SEMA4G: variants seen among roughly 807,000 people sequenced by gnomAD.
The protein encoded by SEMA4G is semaphorin 4G.
A neutral mutation model predicts 81.2 loss-of-function variants in SEMA4G; 59 were observed. The ratio of observed to expected loss-of-function variants is 0.73; its 90% confidence interval spans 0.59 to 0.90. The LOEUF is 0.90. Ranked by LOEUF, SEMA4G falls within the 40% of genes least tolerant of loss-of-function variation. The pLI is 0.00. For synonymous variants in SEMA4G, 404 were observed against 433.9 expected (o/e 0.93, Z 0.86); for missense variants, 952 against 1,102.3 (o/e 0.86, Z 1.93).
At chr10:100,977,901 C>G in intron 4 of SEMA4G, 171 bp downstream of exon 5, 2 of 611,400 alleles carry the variant, frequency 3.3e-6, no homozygotes, top group Non-Finnish European at 2.9e-6. Flanking sequence ...AACCATTCCC[C>G]TTTGTAAAAA....
chr10:100,981,639 A>C, intron 13 of SEMA4G: 10 of 1,431,720 alleles, frequency 7.0e-6, no homozygotes, highest in Non-Finnish European at 9.7e-6. Context: ...GCATGATGTC[A>C]TCTACTGTCA....
chr10:100,980,382 G>C lies in SEMA4G; in HGVS notation c.1351+38G>C, dbSNP rs776424852. On this transcript the variant is annotated intron_variant, in intron 10 of 13. Transcript: ENST00000370250. ...CCAATCCCTGATCCCTGTTGGCCCTGATCACTAATGCTTCTGAATCCATTA... is the reference window on the plus strand; with the variant it reads ...CCAATCCCTGATCCCTGTTGGCCCTCATCACTAATGCTTCTGAATCCATTA... 3.1e-5 allele frequency: 48 copies of C among 1,571,600 alleles called. 1 individual carries two copies. In the Middle Eastern group the frequency reaches 6.7e-4, roughly 22 times the overall value.
chr10:100,971,914 C>T (rs1453452955), upstream of SEMA4G, among the ~76,000 whole-genome samples: 5 of 152,290 alleles, frequency 3.3e-5, no homozygotes, highest in African/African-American at 1.2e-4. Context: ...TAGGTACCCA[C>T]CCCAATGCCT....
chr10:100,980,714 T>C (rs1410114493), intron 11 of SEMA4G, 21 bp downstream of exon 12: 37 of 1,609,472 alleles, frequency 2.3e-5, no homozygotes, highest in Non-Finnish European at 3.1e-5. Context: ...TCTGTGACCC[T>C]TAATATAGCC....
At chr10:100,980,289 G>A in exon 10 of SEMA4G, 2 of 1,614,194 alleles carry the variant, frequency 1.2e-6, no homozygotes, top group Admixed American at 3.3e-5. Context: ...ACCTTACAGG[G>A]ACACCTGTCA....
chr10:100,984,435 A>G (rs1851318174), exon 14 of SEMA4G: 2 of 1,494,048 alleles, frequency 1.3e-6, no homozygotes, highest in African/African-American at 1.4e-5. Context: ...CTTATAGGTG[A>G]GGACTCCATC....
At chr10:100,985,117 T>C (rs1437149072), downstream of SEMA4G, 2 of 457,870 alleles carry the variant, frequency 4.4e-6, no homozygotes, top group African/African-American at 3.9e-5. Flanking sequence ...CTGCACTCAA[T>C]GAGCCAGCCT....
In SEMA4G at chr10:100,980,560, C is replaced by G; in HGVS notation, c.1352-18C>G. On this transcript the variant is annotated intron_variant, in intron 10 of 13. Transcript: ENST00000370250. ...GATCCCATAGTTGGGGTCTAACTCT[C>G]TGCTCTTTCCATACCAGCTGATGGC... 6.2e-7 allele frequency: 1 copy of G among 1,606,790 alleles called. No homozygotes were observed. The highest frequency in any genetic ancestry group is 1.1e-5 in the South Asian group (1 of 90,910).
chr10:100,977,704 G>A (rs1406589169), exon 4 of SEMA4G: 13 of 1,613,852 alleles, frequency 8.1e-6, no homozygotes, highest in South Asian at 1.1e-5. Context: ...TGGGACTCAC[G>A]CCTTCCAGCC....
exon 5 of SEMA4G, chr10:100,978,346 T>A: frequency 6.2e-7 from 1 of 1,613,742 alleles, no homozygotes; most frequent in Non-Finnish European, 8.5e-7. Context: ...GAAGGAGAAG[T>A]GTCCTTATGA....
chr10:100,976,566 C>T (rs1286546281), intron 3 of SEMA4G, among the ~76,000 whole-genome samples: 2 of 152,194 alleles, frequency 1.3e-5, no homozygotes, highest in Non-Finnish European at 2.9e-5. Context: ...TCCAGTGATC[C>T]TCCCACCTCA....
upstream of SEMA4G, among the ~76,000 whole-genome samples, chr10:100,970,234 G>T (rs993803661): frequency 6.6e-6 from 1 of 152,026 alleles, no homozygotes; most frequent in Non-Finnish European, 1.5e-5. Flanking sequence ...TGGAGTGTGG[G>T]GCGTGGACTG....
Position 100,979,097 on chromosome 10 carries a change from CCCAGGGAGA to C in SEMA4G, c.814-2_820del. The C allele has an allele frequency of 6.2e-7, 1 of 1,613,990 alleles. No homozygotes were observed. The highest frequency in any genetic ancestry group is 1.3e-5 in the African/African-American group (1 of 75,024). On this transcript the variant is annotated splice_acceptor_variant and splice_polypyrimidine_tract_variant and coding_sequence_variant and intron_variant, in exon 8 of 14. Coordinates refer to ENST00000370250, the Ensembl canonical transcript of SEMA4G. LOFTEE classifies it high-confidence loss of function. ...GCCCCTTATCCCGTGCCTCTACCTC[CCCAGGGAGA>C]CCTGGGAGGGAAGAAGATCCTGCAG...
exon 7 of SEMA4G, chr10:100,978,977 C>T (rs773006606): frequency 1.5e-5 from 25 of 1,614,150 alleles, no homozygotes; most frequent in South Asian, 5.5e-5. Flanking sequence ...CACTCAGAGC[C>T]GCAGCAGTCA....
chr10:100,970,185 G>C (rs1455552498), upstream of SEMA4G, among the ~76,000 whole-genome samples: 1 of 152,100 alleles, frequency 6.6e-6, no homozygotes, highest in Admixed American at 6.5e-5. Context: ...AGTTCAGGGG[G>C]CTGGCCCTGG....
At chr10:100,983,912 A>ACCCCCCCCC in exon 14 of SEMA4G, 1 of 185,352 alleles carries the variant, frequency 5.4e-6, no homozygotes, top group South Asian at 6.8e-5. Context: ...CAGCCCCACC[A>ACCCCCCCCC]CCCCCACCGC....
exon 14 of SEMA4G, chr10:100,984,069 C>T (rs199549347): frequency 5.0e-6 from 8 of 1,613,682 alleles, no homozygotes; most frequent in Middle Eastern, 1.7e-4. Flanking sequence ...GGAACTCAGC[C>T]GCATCCTGGA....
exon 10 of SEMA4G, chr10:100,980,187 G>A (rs755190563): frequency 1.9e-6 from 3 of 1,614,130 alleles, no homozygotes; most frequent in African/African-American, 2.7e-5. Context: ...CCCTGGTCCT[G>A]GACTTTGTAA....
chr10:100,982,062 C>CA (rs34646595), intron 13 of SEMA4G, among the ~76,000 whole-genome samples: 104,658 of 126,704 alleles, frequency 0.83, 42,992 homozygotes, highest in African/African-American at 0.86. Context: ...CATCTCATCT[C>CA]AAAAAAAAAA....
Sources: gnomAD v4.1 joint callset for allele counts (sites outside exome capture counted in the v4.1 genomes callset) on GRCh38, gnomAD v4.1.1 for gene constraint, MANE v1.5 for transcripts, NCBI Gene and HGNC (gene_info 2026-07-23, HGNC 2026-07-21) for gene names.